PPP1R1C: variants seen among roughly 807,000 people sequenced by gnomAD.
PPP1R1C encodes protein phosphatase 1 regulatory subunit 1C.
PPP1R1C carries 15 observed loss-of-function variants against 17.4 expected under a neutral mutation model. The observed-to-expected ratio is 0.86, with a 90% CI of 0.58 to 1.33. PPP1R1C has a LOEUF of 1.33. PPP1R1C is among the 40% of genes most tolerant of loss of function. The pLI is 0.00. For missense variants in PPP1R1C, 143 were observed against 130.0 expected (o/e 1.10, Z -0.48); for synonymous variants, 35 against 43.1 (o/e 0.81, Z 0.73).
At chr2:181,968,321 G>C (rs1017180233) in intron 1 of PPP1R1C, among the ~76,000 whole-genome samples, 10 of 152,130 alleles carry the variant, frequency 6.6e-5, no homozygotes, top group African/African-American at 2.2e-4. Flanking sequence ...TATTGTATTA[G>C]CATCCATCTC....
intron 2 of PPP1R1C, among the ~76,000 whole-genome samples, chr2:182,024,900 G>C (rs938228670): frequency 1.4e-5 from 2 of 138,796 alleles, no homozygotes; most frequent in Non-Finnish European, 3.2e-5. Context: ...AAAAATACTA[G>C]CAATATCGTG....
intron 4 of PPP1R1C, among the ~76,000 whole-genome samples, chr2:182,108,298 C>T (rs1689315115): frequency 6.6e-6 from 1 of 152,120 alleles, no homozygotes; most frequent in Non-Finnish European, 1.5e-5. Context: ...TGCAGAAGAA[C>T]TTCTTGGAGT....
chr2:182,020,148 G>A (rs1686375182), intron 2 of PPP1R1C, among the ~76,000 whole-genome samples: 1 of 152,122 alleles, frequency 6.6e-6, no homozygotes. Flanking sequence ...TGCCCTATGT[G>A]TATTTAAATT....
chr2:182,005,347 C>G (rs1428179617), intron 2 of PPP1R1C, among the ~76,000 whole-genome samples: 1 of 152,206 alleles, frequency 6.6e-6, no homozygotes, highest in African/African-American at 2.4e-5. Flanking sequence ...GGGATATTAT[C>G]TCCGCTCTGA....
At chr2:182,027,742 G>A (rs1220692561) in intron 2 of PPP1R1C, among the ~76,000 whole-genome samples, 7 of 151,428 alleles carry the variant, frequency 4.6e-5, no homozygotes, top group Admixed American at 2.6e-4. Context: ...AGTTAGGGAG[G>A]AGTCCCTCTT....
In PPP1R1C at chr2:181,974,343, T is replaced by C. The variant is rs150044089; in HGVS notation, n.112-876T>C. Among the ~76,000 whole-genome samples, 503 of 152,318 alleles carry C rather than the reference T, an allele frequency of 3.3e-3. 4 individuals are homozygous for C. The highest frequency in any genetic ancestry group is 0.011 in the African/African-American group (466 of 41,568). ...TACATAAATTCCAAATTGGATTCCA[T>C]AGAGTATATTTGAAGGTGCAAATGA... On this transcript the variant is annotated intron_variant and non_coding_transcript_variant, in intron 1 of 5. Coordinates refer to the PPP1R1C transcript ENST00000464264.
At chr2:182,084,886 G>A (rs1688582310) in intron 4 of PPP1R1C, among the ~76,000 whole-genome samples, 1 of 152,048 alleles carries the variant, frequency 6.6e-6, no homozygotes. Flanking sequence ...TAATTCATGA[G>A]CATGAGATGT....
intron 4 of PPP1R1C, among the ~76,000 whole-genome samples, chr2:182,096,295 A>G (rs1012929505): frequency 3.7e-4 from 57 of 152,316 alleles, no homozygotes; most frequent in African/African-American, 1.3e-3. Context: ...ATTGAGGGTC[A>G]TATGACCCTA....
At chr2:181,987,941 G>A (rs777199064) in intron 2 of PPP1R1C, 42 bp downstream of exon 2, 11 of 1,525,932 alleles carry the variant, frequency 7.2e-6, no homozygotes, top group Non-Finnish European at 9.9e-6. Flanking sequence ...GAACAGAATG[G>A]AATTGTTTAA....
chr2:182,048,807 A>G, intron 2 of PPP1R1C: 1 of 152,216 alleles, frequency 6.6e-6, no homozygotes, highest in East Asian at 1.9e-4. Context: ...TCTACCTTCA[A>G]ACATGTTAGA....
At chr2:182,034,592 G>A (rs1686946559) in intron 2 of PPP1R1C, among the ~76,000 whole-genome samples, 1 of 152,114 alleles carries the variant, frequency 6.6e-6, no homozygotes. Flanking sequence ...ACTTTTAAGG[G>A]CAGGACTGGT....
At chr2:182,057,717 C>T (rs1687727866) in intron 2 of PPP1R1C, among the ~76,000 whole-genome samples, 1 of 151,990 alleles carries the variant, frequency 6.6e-6, no homozygotes, top group Admixed American at 6.6e-5. Context: ...TCACTCTTGC[C>T]CTTCCTTATA....
At chr2:182,032,166 C>T (rs2125172023) in intron 2 of PPP1R1C, among the ~76,000 whole-genome samples, 1 of 152,206 alleles carries the variant, frequency 6.6e-6, no homozygotes, top group South Asian at 2.1e-4. Context: ...ATAGTTCAGC[C>T]AAAAGTCAAG....
At chr2:181,997,693 T>G (rs1414630769) in intron 2 of PPP1R1C, among the ~76,000 whole-genome samples, 1 of 150,300 alleles carries the variant, frequency 6.7e-6, no homozygotes, top group Non-Finnish European at 1.5e-5. Context: ...CTCATTTGAG[T>G]AGGTTTCATA....
chr2:182,119,593 C>T (rs1405683952), downstream of PPP1R1C, among the ~76,000 whole-genome samples: 3 of 152,216 alleles, frequency 2.0e-5, no homozygotes, highest in Non-Finnish European at 4.4e-5. Flanking sequence ...TTAATGATCA[C>T]CATTCCAACT....
At chr2:181,974,433 A>C (rs1014896976) in intron 1 of PPP1R1C, among the ~76,000 whole-genome samples, 3 of 152,204 alleles carry the variant, frequency 2.0e-5, no homozygotes, top group Non-Finnish European at 4.4e-5. Flanking sequence ...AAGTATCTTA[A>C]CTGCACTTTA....
intron 2 of PPP1R1C, among the ~76,000 whole-genome samples, chr2:181,996,773 C>A (rs946187189): frequency 6.6e-6 from 1 of 152,138 alleles, no homozygotes; most frequent in African/African-American, 2.4e-5. Flanking sequence ...ACACTCTTTA[C>A]ATATAAATAC....
intron 2 of PPP1R1C, among the ~76,000 whole-genome samples, chr2:182,001,450 C>A (rs1685765535): frequency 6.6e-6 from 1 of 152,106 alleles, no homozygotes; most frequent in Non-Finnish European, 1.5e-5. Flanking sequence ...ACTGAATACA[C>A]AATCAATTTG....
At chr2:182,111,234 A>G (rs1190300192) in intron 4 of PPP1R1C, among the ~76,000 whole-genome samples, 1 of 152,196 alleles carries the variant, frequency 6.6e-6, no homozygotes, top group Non-Finnish European at 1.5e-5. Flanking sequence ...AGGTAAAAAT[A>G]TACAAAACAT....
Sources: gnomAD v4.1 joint callset for allele counts (sites outside exome capture counted in the v4.1 genomes callset) on GRCh38, gnomAD v4.1.1 for gene constraint, MANE v1.5 for transcripts, NCBI Gene and HGNC (gene_info 2026-07-23, HGNC 2026-07-21) for gene names.